DGKB: variants seen among roughly 807,000 people sequenced by gnomAD.
DGKB encodes the protein diacylglycerol kinase beta, also known as 90 kDa diacylglycerol kinase.
A neutral mutation model predicts 114.3 loss-of-function variants in DGKB; 67 were observed. The ratio of observed to expected loss-of-function variants is 0.59; its 90% CI spans 0.48 to 0.72. The LOEUF (loss-of-function observed/expected upper bound fraction) is 0.72. DGKB is among the 30% of genes least tolerant of loss of function. The pLI, the probability that DGKB is intolerant of heterozygous loss-of-function variation, is 0.00. For missense variants in DGKB, 907 were observed against 975.2 expected, an observed-to-expected ratio of 0.93 and a Z score of 0.93; for synonymous variants, 398 against 323.1, an observed-to-expected ratio of 1.23 and a Z score of -2.49.
intron 21 of DGKB, among the ~76,000 whole-genome samples, chr7:14,351,174 A>T (rs1404929556): frequency 6.6e-6 from 1 of 152,362 alleles, no homozygotes; most frequent in South Asian, 2.1e-4. Flanking sequence ...CATAGAATCA[A>T]TTCAGTTTTA....
At chr7:14,232,587 G>T (rs1477796099) in intron 23 of DGKB, among the ~76,000 whole-genome samples, 1 of 151,880 alleles carries the variant, frequency 6.6e-6, no homozygotes, top group Non-Finnish European at 1.5e-5. Context: ...CTCAAAATTT[G>T]TGTGATTCCA....
At chr7:14,328,263 T>G (rs2128552498) in intron 23 of DGKB, among the ~76,000 whole-genome samples, 1 of 152,178 alleles carries the variant, frequency 6.6e-6, no homozygotes, top group African/African-American at 2.4e-5. Flanking sequence ...AGACATACAT[T>G]TATATATTCG....
intron 23 of DGKB, among the ~76,000 whole-genome samples, chr7:14,304,590 T>C (rs1804158324): frequency 6.6e-6 from 1 of 152,300 alleles, no homozygotes; most frequent in South Asian, 2.1e-4. Flanking sequence ...AACTAGCCAA[T>C]GCTCAGTTCA....
At chr7:14,774,128 G>A (rs1562500140) in intron 2 of DGKB, among the ~76,000 whole-genome samples, 1 of 152,156 alleles carries the variant, frequency 6.6e-6, no homozygotes, top group Admixed American at 6.6e-5. Flanking sequence ...CTGTCTGAAT[G>A]ACTGGGCAGA....
chr7:14,170,741 G>GT (rs1780868467), intron 25 of DGKB, among the ~76,000 whole-genome samples: 1 of 152,140 alleles, frequency 6.6e-6, no homozygotes, highest in South Asian at 2.1e-4. Flanking sequence ...CCAGAATACT[G>GT]TTTTTCTTTT....
intron 2 of DGKB, among the ~76,000 whole-genome samples, chr7:14,807,557 G>A (rs978401739): frequency 6.6e-6 from 1 of 151,938 alleles, no homozygotes; most frequent in Non-Finnish European, 1.5e-5. Flanking sequence ...ATTAACTATG[G>A]TGTCAAATCA....
intron 20 of DGKB, among the ~76,000 whole-genome samples, chr7:14,519,755 T>A (rs1434846463): frequency 2.0e-5 from 3 of 151,986 alleles, no homozygotes; most frequent in Non-Finnish European, 4.4e-5. Flanking sequence ...TCAGTGGGCA[T>A]GTAGTGATAT....
At chr7:14,914,412 G>C (rs376610171) in intron 1 of DGKB, among the ~76,000 whole-genome samples, 60 of 152,244 alleles carry the variant, frequency 3.9e-4, no homozygotes, top group African/African-American at 1.3e-3. Context: ...CTCTAACTAA[G>C]AAGAAGTTCT....
At chr7:14,596,978 C>T (rs1802688664) in intron 17 of DGKB, among the ~76,000 whole-genome samples, 1 of 152,142 alleles carries the variant, frequency 6.6e-6, no homozygotes, top group African/African-American at 2.4e-5. Context: ...GAAAGGAGTC[C>T]TTGCAAGTGA....
chr7:14,598,082 C>A (rs144795190), intron 17 of DGKB, among the ~76,000 whole-genome samples: 1 of 152,244 alleles, frequency 6.6e-6, no homozygotes, highest in African/African-American at 2.4e-5. Context: ...AACGTTTATA[C>A]TGATTTTATG....
intron 21 of DGKB, among the ~76,000 whole-genome samples, chr7:14,398,661 G>A (rs1372531940): frequency 1.3e-5 from 2 of 151,964 alleles, no homozygotes; most frequent in Non-Finnish European, 2.9e-5. Context: ...GAGCTAGAAT[G>A]AGAGTAGAGC....
At chr7:14,261,992 G>C (rs747013157) in intron 23 of DGKB, among the ~76,000 whole-genome samples, 1 of 152,142 alleles carries the variant, frequency 6.6e-6, no homozygotes, top group Non-Finnish European at 1.5e-5. Context: ...TGTGCTATAC[G>C]CACTGCAGAA....
At chr7:14,440,242 G>C (rs1384636598) in intron 21 of DGKB, among the ~76,000 whole-genome samples, 1 of 152,094 alleles carries the variant, frequency 6.6e-6, no homozygotes, top group Non-Finnish European at 1.5e-5. Context: ...ACTTGTGCCT[G>C]GGTTCTGACT....
intron 12 of DGKB, among the ~76,000 whole-genome samples, chr7:14,682,160 A>G (rs1051438622): frequency 1.3e-5 from 2 of 152,128 alleles, no homozygotes; most frequent in Admixed American, 6.6e-5. Context: ...TAAGTTTACA[A>G]TAAGCAAACC....
chr7:14,628,363 A>G (rs1809036904), intron 14 of DGKB, among the ~76,000 whole-genome samples: 1 of 150,044 alleles, frequency 6.7e-6, no homozygotes, highest in Non-Finnish European at 1.5e-5. Context: ...TTTAGAGAGA[A>G]CAACTGTGCA....
chr7:14,360,640 A>G (rs1159702286), intron 21 of DGKB, among the ~76,000 whole-genome samples: 1 of 152,032 alleles, frequency 6.6e-6, no homozygotes, highest in African/African-American at 2.4e-5. Flanking sequence ...ATTAATTGGT[A>G]ACTTTGGGCA....
intron 23 of DGKB, among the ~76,000 whole-genome samples, chr7:14,323,399 C>CT (rs989079121): frequency 2.6e-5 from 4 of 152,074 alleles, no homozygotes; most frequent in Non-Finnish European, 5.9e-5. Context: ...GACATGTACA[C>CT]TTTTCTGCAC....
rs149663253 is a variant in DGKB at position 14,363,415 on chromosome 7, A to T, written c.1836-18024T>A. ...TTGTGAAATTGCTATGGTAGCAAAT[A>T]AAAGAAAGAAAAGTAAAAATATTTT... is the stretch of plus-strand genomic sequence containing the variant. On this transcript the variant is annotated intron_variant, in intron 21 of 25. Transcript: ENST00000402815. Among the ~76,000 whole-genome samples the T allele has an allele frequency of 3.3e-5, 5 of 152,234 alleles. No individual in the cohort carries two copies. In the East Asian group the frequency reaches 7.7e-4, roughly 24 times the overall value.
intron 2 of DGKB, among the ~76,000 whole-genome samples, chr7:14,791,148 C>G (rs1366358808): frequency 1.3e-5 from 2 of 152,014 alleles, no homozygotes; most frequent in African/African-American, 4.8e-5. Flanking sequence ...TTAGTTTTCA[C>G]CACACAAGTC....
Sources: allele counts gnomAD v4.1 joint callset (sites outside exome capture counted in the v4.1 genomes callset), GRCh38; gene constraint gnomAD v4.1.1; transcripts MANE v1.5; gene names NCBI Gene and HGNC (gene_info 2026-07-23, HGNC 2026-07-21).